The following IFT43 variants were observed in gnomAD, a reference collection of about 807,000 sequenced individuals.
The protein encoded by IFT43 is intraflagellar transport protein 43 homolog.
A neutral mutation model predicts 32.3 loss-of-function variants in IFT43; 33 were observed. That is an observed-to-expected ratio of 1.02 (90% CI 0.77 to 1.37). IFT43 has a LOEUF of 1.37. Ranked by LOEUF, IFT43 falls within the 40% of genes most tolerant of loss-of-function variation. The pLI, the probability that IFT43 is intolerant of heterozygous loss-of-function variation, is 0.00. For synonymous variants in IFT43, 93 were observed against 98.2 expected (o/e 0.95, Z 0.31); for missense variants, 274 against 265.9 (o/e 1.03, Z -0.21).
chr14:76,035,400 G>T (rs2139993974), intron 3 of IFT43, among the ~76,000 whole-genome samples: 1 of 152,276 alleles, frequency 6.6e-6, no homozygotes, highest in South Asian at 2.1e-4. Context: ...GATGGCGGTA[G>T]AACTGCTGTG....
At chr14:76,046,006 C>T (rs1176006337) in intron 3 of IFT43, among the ~76,000 whole-genome samples, 3 of 152,062 alleles carry the variant, frequency 2.0e-5, no homozygotes, top group Non-Finnish European at 4.4e-5. Flanking sequence ...CTATAAAGAC[C>T]GTGTCATGTG....
At chr14:76,069,376 G>A (rs1270149914) in intron 5 of IFT43, among the ~76,000 whole-genome samples, 2 of 152,098 alleles carry the variant, frequency 1.3e-5, no homozygotes, top group Admixed American at 6.5e-5. Flanking sequence ...CAGAAAAGGG[G>A]GGTATGAAGT....
chr14:76,053,738 GA>G (rs771692026), intron 3 of IFT43, among the ~76,000 whole-genome samples: 11 of 152,188 alleles, frequency 7.2e-5, no homozygotes, highest in Non-Finnish European at 1.0e-4. Flanking sequence ...CTCTTAAAAA[GA>G]AACCTGGCAT....
At chr14:76,062,415 T>C (rs904029330) in intron 5 of IFT43, among the ~76,000 whole-genome samples, 12 of 152,166 alleles carry the variant, frequency 7.9e-5, no homozygotes, top group African/African-American at 2.2e-4. Context: ...GATTGGATGC[T>C]GGACATTGTG....
chr14:76,020,042 T>G (rs1342695733), intron 2 of IFT43, among the ~76,000 whole-genome samples: 1 of 152,166 alleles, frequency 6.6e-6, no homozygotes, highest in Non-Finnish European at 1.5e-5. Flanking sequence ...TGGCGCAATC[T>G]CAGCTCACTG....
At chr14:76,013,326 C>T (rs1316139081) in intron 2 of IFT43, among the ~76,000 whole-genome samples, 3 of 152,224 alleles carry the variant, frequency 2.0e-5, no homozygotes, top group African/African-American at 7.2e-5. Context: ...TTTAATTTCT[C>T]ATCAGTCCAG....
chr14:75,988,849 A>G (rs1333608557), intron 1 of IFT43, 36 bp from the exon 2 acceptor site: 4 of 1,613,266 alleles, frequency 2.5e-6, no homozygotes, highest in Non-Finnish European at 2.5e-6. Flanking sequence ...CCCAAATGAC[A>G]TTTGGGTCAG....
intron 3 of IFT43, among the ~76,000 whole-genome samples, chr14:76,046,512 G>A (rs547426886): frequency 6.6e-6 from 1 of 152,228 alleles, no homozygotes; most frequent in East Asian, 1.9e-4. Context: ...CCATCTCAGG[G>A]TGGGGATCAG....
At chr14:76,025,959 TA>T (rs2036385015) in intron 3 of IFT43, among the ~76,000 whole-genome samples, 1 of 152,132 alleles carries the variant, frequency 6.6e-6, no homozygotes, top group Non-Finnish European at 1.5e-5. Flanking sequence ...GGGATCTAAT[TA>T]AAGTAAAGCA....
chr14:76,020,263 G>A (rs1349012409), intron 2 of IFT43, among the ~76,000 whole-genome samples: 2 of 152,128 alleles, frequency 1.3e-5, no homozygotes, highest in Admixed American at 6.5e-5. Context: ...ATGAGCCACC[G>A]CACCCGGCCT....
intron 3 of IFT43, among the ~76,000 whole-genome samples, chr14:76,023,411 A>C (rs536680659): frequency 6.6e-6 from 1 of 152,288 alleles, no homozygotes; most frequent in African/African-American, 2.4e-5. Flanking sequence ...TGTGCCATTT[A>C]TTATCTCAGA....
chr14:76,013,199 A>G lies in IFT43; in HGVS notation c.148-9128A>G, dbSNP rs531249319. Among the ~76,000 whole-genome samples, 6 of 152,368 alleles carry G rather than the reference A, an allele frequency of 3.9e-5. No individual in the cohort carries two copies. The East Asian group carries it at 1.2e-3, about 29-fold the overall frequency. On this transcript the variant is annotated intron_variant, in intron 2 of 8. Transcript: ENST00000314067. ...TCTTCCTGTAAATGAGTAGGCCATTAGGTAGAGAACTCAGACTCATAACAT... is the reference window on the plus strand; with the variant it reads ...TCTTCCTGTAAATGAGTAGGCCATTGGGTAGAGAACTCAGACTCATAACAT...
intron 3 of IFT43, among the ~76,000 whole-genome samples, chr14:76,052,448 C>T (rs1024294142): frequency 2.0e-5 from 3 of 152,144 alleles, no homozygotes; most frequent in Non-Finnish European, 4.4e-5. Context: ...CATGGGGTCC[C>T]TGCAGTTGGG....
At chr14:76,078,304 G>A (rs2037447241) in intron 5 of IFT43, among the ~76,000 whole-genome samples, 1 of 152,126 alleles carries the variant, frequency 6.6e-6, no homozygotes, top group South Asian at 2.1e-4. Flanking sequence ...TGTTACTTTT[G>A]TTTTAGAAAA....
At chr14:76,080,775 GC>G (rs2037496121) in intron 5 of IFT43, among the ~76,000 whole-genome samples, 1 of 152,136 alleles carries the variant, frequency 6.6e-6, no homozygotes, top group Non-Finnish European at 1.5e-5. Context: ...GAAAAAGAAA[GC>G]TAAATTTCTA....
In IFT43 at chr14:76,083,695, C is replaced by G; in HGVS notation, c.*118C>G. On this transcript the variant is annotated 3_prime_UTR_variant, in exon 9 of 9. Coordinates refer to ENST00000314067, the MANE Select transcript of IFT43 (RefSeq NM_001102564.3). The stretch of plus-strand genomic sequence containing the variant: ...TGTAATAAAAATATTTATATTCAGT[C>G]AACCACATTGGATAATTCAATTGCA... The G allele has an allele frequency of 1.1e-6, 1 of 947,618 alleles. No individual in the cohort carries two copies. Among genetic ancestry groups the G allele is most frequent in the Admixed American group, 2.0e-5 (1 of 50,014 alleles). The allele number at this position is 947,618 out of a possible 1,614,324, so 58.7% of individuals were successfully genotyped here. A position where few individuals can be genotyped will look rare whatever the true frequency, so the allele number is the denominator to read the frequency against.
At chr14:76,069,028 AATACCT>A (rs1195267208) in intron 5 of IFT43, among the ~76,000 whole-genome samples, 1 of 152,190 alleles carries the variant, frequency 6.6e-6, no homozygotes, top group Non-Finnish European at 1.5e-5. Flanking sequence ...CTGTGAGAGA[AATACCT>A]GAGACTGGGC....
chr14:75,993,525 A>G (rs542447432), intron 2 of IFT43, among the ~76,000 whole-genome samples: 2 of 152,330 alleles, frequency 1.3e-5, no homozygotes, highest in Admixed American at 6.5e-5. Flanking sequence ...CCTGTCTTTT[A>G]GGATAGATTA....
In IFT43 at chr14:76,022,541, A is replaced by G. The variant is rs895923832; in HGVS notation, c.215+147A>G. The G allele has an allele frequency of 6.7e-6, 4 of 592,598 alleles. No individual in the cohort carries two copies. The African/African-American group carries it at 7.5e-5, about 11-fold the overall frequency. The allele number at this position is 592,598 out of a possible 1,614,324, so 36.7% of individuals were successfully genotyped here. ...TCACCCACTTAAAATGCACAATTTA[A>G]TCATTCTTAATATATTCACAGAGTT... On this transcript the variant is annotated intron_variant, in intron 3 of 8. Transcript: ENST00000314067.
Sources: allele counts gnomAD v4.1 joint callset (sites outside exome capture counted in the v4.1 genomes callset), GRCh38; gene constraint gnomAD v4.1.1; transcripts MANE v1.5; gene names NCBI Gene and HGNC (gene_info 2026-07-23, HGNC 2026-07-21).